GRAMD2B: variants seen among roughly 807,000 people sequenced by gnomAD.
GRAMD2B encodes GRAM domain-containing protein 2B.
A neutral mutation model predicts 59.2 loss-of-function variants in GRAMD2B; 41 were observed. The ratio of observed to expected loss-of-function variants is 0.69; its 90% CI spans 0.54 to 0.90. The LOEUF is 0.90. GRAMD2B is among the 40% of genes least tolerant of loss of function. GRAMD2B has a pLI of 0.00. For synonymous variants in GRAMD2B, 161 were observed against 182.7 expected (o/e 0.88, Z 0.96); for missense variants, 424 against 500.5 (o/e 0.85, Z 1.46).
rs554097634 is a variant in GRAMD2B at position 126,449,607 on chromosome 5, A to G, written c.84-15819A>G. Reference sequence around the variant, plus strand: ...TTTTGGTTAAATCAAAGCCTTTTACATAAAACTGCTTTCACCAATATATAG... The same window carrying G: ...TTTTGGTTAAATCAAAGCCTTTTACGTAAAACTGCTTTCACCAATATATAG... On this transcript the variant is annotated intron_variant, in intron 1 of 13. Transcript: ENST00000285689. Among the ~76,000 whole-genome samples the G allele has an allele frequency of 2.6e-5, 4 of 152,370 alleles. No individual in the cohort carries two copies. The South Asian group carries it at 6.2e-4, about 24-fold the overall frequency.
rs141341713 is a variant in GRAMD2B, at chr5:126,444,251, G to C, written c.83+20562G>C. Reference sequence around the variant, plus strand: ...GCCCTTTCCATTATCCCCCACTACTGAGCAAACCATACTGTGCAGATGTCT... The same window carrying C: ...GCCCTTTCCATTATCCCCCACTACTCAGCAAACCATACTGTGCAGATGTCT... On this transcript the variant is annotated intron_variant, in intron 1 of 13. Coordinates refer to ENST00000285689, the MANE Select transcript of GRAMD2B (RefSeq NM_023927.4). 3.6e-3 allele frequency among the ~76,000 whole-genome samples: 546 copies of C among 152,278 alleles called. 4 individuals carry two copies. The highest frequency in any genetic ancestry group is 0.03 in the South Asian group (143 of 4,822).
intron 8 of GRAMD2B, among the ~76,000 whole-genome samples, chr5:126,482,055 G>A (rs1771986279): frequency 1.3e-5 from 2 of 151,732 alleles, no homozygotes; most frequent in Non-Finnish European, 2.9e-5. Flanking sequence ...AGTATGCTAA[G>A]TGAAAGAACC....
At chr5:126,405,512 A>G (rs1026220243) in intron 1 of GRAMD2B, among the ~76,000 whole-genome samples, 1 of 151,966 alleles carries the variant, frequency 6.6e-6, no homozygotes, top group Non-Finnish European at 1.5e-5. Context: ...CCTGGCACAG[A>G]GGAAGCACTC....
chr5:126,439,601 C>T (rs1762962792), intron 1 of GRAMD2B, among the ~76,000 whole-genome samples: 1 of 152,146 alleles, frequency 6.6e-6, no homozygotes, highest in African/African-American at 2.4e-5. Context: ...GCTGGGATTA[C>T]AGACACCGCA....
intron 1 of GRAMD2B, among the ~76,000 whole-genome samples, chr5:126,385,987 G>A (rs576063810): frequency 6.6e-6 from 1 of 152,304 alleles, no homozygotes; most frequent in South Asian, 2.1e-4. Context: ...CAGAGAGGGA[G>A]AGAGGGTTGG....
chr5:126,423,727 G>A (rs1362696532), intron 1 of GRAMD2B, 38 bp downstream of exon 1: 1 of 1,566,168 alleles, frequency 6.4e-7, no homozygotes, highest in Admixed American at 2.0e-5. Context: ...AAGGAGGTGG[G>A]AGGAGCGCAG....
At chr5:126,480,908 GT>G (rs1228177116) in intron 8 of GRAMD2B, 1 of 588,018 alleles carries the variant, frequency 1.7e-6, no homozygotes, top group Non-Finnish European at 3.0e-6. Context: ...TTGAAGAGTT[GT>G]CCTGCAAAAA....
At chr5:126,393,575 A>G (rs914933575) in intron 1 of GRAMD2B, among the ~76,000 whole-genome samples, 3 of 152,158 alleles carry the variant, frequency 2.0e-5, no homozygotes, top group African/African-American at 7.2e-5. Flanking sequence ...TGGAAACCCA[A>G]CTTCTCCAGA....
intron 1 of GRAMD2B, among the ~76,000 whole-genome samples, chr5:126,379,218 C>T (rs1226337749): frequency 6.6e-6 from 1 of 152,126 alleles, no homozygotes; most frequent in African/African-American, 2.4e-5. Flanking sequence ...ATCCAGGTTG[C>T]TGCAAATGCC....
upstream of GRAMD2B, among the ~76,000 whole-genome samples, chr5:126,368,267 G>C (rs564732713): frequency 6.6e-6 from 1 of 152,214 alleles, no homozygotes; most frequent in Non-Finnish European, 1.5e-5. Context: ...AATGAAAGCT[G>C]TGGCACAGGC....
chr5:126,376,818 G>C (rs1174931863), intron 1 of GRAMD2B, among the ~76,000 whole-genome samples: 3 of 152,080 alleles, frequency 2.0e-5, no homozygotes, highest in Non-Finnish European at 4.4e-5. Flanking sequence ...TCAGCAAATG[G>C]GCAAGGTCAG....
intron 1 of GRAMD2B, among the ~76,000 whole-genome samples, chr5:126,362,840 C>A (rs531157745): frequency 2.8e-4 from 42 of 152,258 alleles, no homozygotes; most frequent in African/African-American, 9.6e-4. Flanking sequence ...AAGTAGATCA[C>A]AGACCTTATA....
chr5:126,427,521 T>A (rs1479250729), intron 1 of GRAMD2B, among the ~76,000 whole-genome samples: 1 of 152,258 alleles, frequency 6.6e-6, no homozygotes, highest in Non-Finnish European at 1.5e-5. Context: ...GTAAGAATTT[T>A]AGAAATATGT....
rs1345855124 is a variant in GRAMD2B, at chr5:126,360,461, T to A, written c.128+2T>A. On this transcript the variant is annotated splice_donor_variant, in intron 1 of 13. Transcript: ENST00000513040. LOFTEE classifies it high-confidence loss of function. ...GCCAGTGGGTCCGGACCTGGAACTG[T>A]AAGTGACAGGTCTCAGACCTGGAAA... 1 of 1,550,100 alleles carries A rather than the reference T, an allele frequency of 6.5e-7. No homozygotes were observed. Among genetic ancestry groups the A allele is most frequent in the Non-Finnish European group, 8.7e-7 (1 of 1,146,134 alleles).
chr5:126,466,837 A>G (rs1581168411), intron 2 of GRAMD2B, among the ~76,000 whole-genome samples: 1 of 152,192 alleles, frequency 6.6e-6, no homozygotes, highest in Admixed American at 6.5e-5. Flanking sequence ...CCTTAAAAAC[A>G]CTGTTGGTTT....
At position 126,481,987 on chromosome 5, in the gene GRAMD2B, G is replaced by A. The variant is rs62394185; in HGVS notation, c.735+1280G>A. Among the ~76,000 whole-genome samples the A allele has an allele frequency of 9.6e-3, 674 of 70,402 alleles. 15 individuals carry two copies. The highest frequency in any genetic ancestry group is 0.022 in the African/African-American group (377 of 16,802). The allele number at this position is 70,402 out of a possible 152,430, so 46.2% of individuals were successfully genotyped here. A position where few individuals can be genotyped will look rare whatever the true frequency, so the allele number is the denominator to read the frequency against. Reference sequence around the variant, plus strand: ...CTCCATCTCAAAAAAAAAAAAAAAAGGGGAGATGAAGTACTGATACCTGCT... The same window carrying A: ...CTCCATCTCAAAAAAAAAAAAAAAAAGGGAGATGAAGTACTGATACCTGCT... On this transcript the variant is annotated intron_variant, in intron 8 of 13. Transcript: ENST00000285689.
rs1161270984 is a variant in GRAMD2B at position 126,423,694 on chromosome 5, G to T, written c.83+5G>T. ...GAGCAAACTTGGCTCAGCCCAGTGAGTATTCTCAGCTGGGACCCATCCAAG... is the reference window on the plus strand; with the variant it reads ...GAGCAAACTTGGCTCAGCCCAGTGATTATTCTCAGCTGGGACCCATCCAAG... On this transcript the variant is annotated splice_donor_5th_base_variant and intron_variant, in intron 1 of 13. Transcript: ENST00000285689. 6.2e-7 allele frequency: 1 copy of T among 1,603,844 alleles called. No homozygotes were observed. Among genetic ancestry groups the T allele is most frequent in the African/African-American group, 1.3e-5 (1 of 74,254 alleles).
intron 13 of GRAMD2B, chr5:126,490,427 C>G (rs1773706724): frequency 6.6e-6 from 1 of 152,240 alleles, no homozygotes; most frequent in Non-Finnish European, 1.5e-5. Context: ...GGCAAACAGC[C>G]TCAGGTCTTG....
chr5:126,377,847 A>G (rs1183601993), intron 1 of GRAMD2B, among the ~76,000 whole-genome samples: 4 of 152,242 alleles, frequency 2.6e-5, no homozygotes, highest in African/African-American at 4.8e-5. Context: ...TGAAATGTAC[A>G]GAGCCAGAAA....
Sources: gnomAD v4.1 joint callset for allele counts (sites outside exome capture counted in the v4.1 genomes callset) on GRCh38, gnomAD v4.1.1 for gene constraint, MANE v1.5 for transcripts, NCBI Gene and HGNC (gene_info 2026-07-23, HGNC 2026-07-21) for gene names.